The following SAMSN1 variants were observed in gnomAD, a reference collection of about 807,000 sequenced individuals.
SAMSN1 encodes SAM domain-containing protein SAMSN-1.
A neutral mutation model predicts 42.0 loss-of-function variants in SAMSN1; 31 were observed. That is an observed-to-expected ratio of 0.74 (90% CI 0.55 to 1.00). The LOEUF (loss-of-function observed/expected upper bound fraction) is 1.00. SAMSN1 is among the 50% of genes least tolerant of loss of function. The probability of loss-of-function intolerance (pLI) is 0.00; values close to 1 mark genes in which losing one functional copy is unlikely to be tolerated. For synonymous variants in SAMSN1, 178 were observed against 151.9 expected, an observed-to-expected ratio of 1.17 and a Z score of -1.26; for missense variants, 464 against 439.4, an observed-to-expected ratio of 1.06 and a Z score of -0.50.
chr21:14,553,062 C>T (rs545258800), intron 2 of SAMSN1, among the ~76,000 whole-genome samples: 1 of 151,808 alleles, frequency 6.6e-6, no homozygotes, highest in South Asian at 2.1e-4. Flanking sequence ...AAAAATGTTT[C>T]TAGTTGGTTA....
chr21:14,543,202 A>G lies in SAMSN1; in HGVS notation c.57+3003T>C, dbSNP rs144660685. On this transcript the variant is annotated intron_variant, in intron 1 of 7. Coordinates refer to ENST00000400566, the MANE Select transcript of SAMSN1 (RefSeq NM_022136.5). ...CTGCAAGAATTTACCAGTTTCTGTTATAGAATATCTCTGGTCTCTGCCTCT... is the reference window on the plus strand; with the variant it reads ...CTGCAAGAATTTACCAGTTTCTGTTGTAGAATATCTCTGGTCTCTGCCTCT... 1.1e-4 allele frequency among the ~76,000 whole-genome samples: 16 copies of G among 152,294 alleles called. No homozygotes were observed. In the East Asian group the frequency reaches 2.9e-3, roughly 28 times the overall value.
chr21:14,642,336 C>A lies in SAMSN1; in HGVS notation c.156+666G>T, dbSNP rs189560537. Among the ~76,000 whole-genome samples the A allele has an allele frequency of 6.5e-4, 99 of 152,288 alleles. 1 individual carries two copies. Among genetic ancestry groups the A allele is most frequent in the African/African-American group, 2.3e-3 (95 of 41,574 alleles). ...GTAATTTTAAAGATAATTCACAGAA[C>A]AATTTGCATTTGCCAGTTTGTAACA... is the stretch of plus-strand genomic sequence containing the variant. On this transcript the variant is annotated intron_variant, in intron 2 of 15. Coordinates refer to the SAMSN1 transcript ENST00000647101.
At chr21:14,587,743 C>A (rs1457693327), upstream of SAMSN1, among the ~76,000 whole-genome samples, 2 of 146,636 alleles carry the variant, frequency 1.4e-5, no homozygotes. Context: ...TTATCCATCA[C>A]CTTATTTATT....
In SAMSN1 at chr21:14,593,952, A is replaced by G. The variant is rs1453655133; in HGVS notation, c.465+61T>C. 8.5e-6 allele frequency: 6 copies of G among 709,252 alleles called. No homozygotes were observed. In the Admixed American group the frequency reaches 1.2e-4, roughly 15 times the overall value. The allele number at this position is 709,252 out of a possible 1,614,324, so 43.9% of individuals were successfully genotyped here. A position where few individuals can be genotyped will look rare whatever the true frequency, so the allele number is the denominator to read the frequency against. On this transcript the variant is annotated intron_variant, in intron 7 of 15. Transcript: ENST00000647101. ...AGAAAACAGTGCTTGTGGCATTAAA[A>G]TGAGTGGAAAAGAGATGGGAAATCC...
chr21:14,610,007 G>A (rs1600961777), intron 4 of SAMSN1, among the ~76,000 whole-genome samples: 1 of 152,114 alleles, frequency 6.6e-6, no homozygotes, highest in Non-Finnish European at 1.5e-5. Context: ...TGTGATGATT[G>A]TGTTAACTGC....
intron 6 of SAMSN1, among the ~76,000 whole-genome samples, chr21:14,594,913 C>T (rs1982211816): frequency 6.6e-6 from 1 of 152,146 alleles, no homozygotes. Flanking sequence ...GTTCTACAGG[C>T]TGTACAAGAA....
In SAMSN1 at chr21:14,642,830, T is replaced by C. The variant is rs180834072; in HGVS notation, c.156+172A>G. ...TTCAATAAATGGTGGTTCATATTAA[T>C]AAGCCAAAATCATAAAAAAGACAAC... On this transcript the variant is annotated intron_variant, in intron 2 of 15. Transcript: ENST00000647101. Among the ~76,000 whole-genome samples, 54 of 152,152 alleles carry C rather than the reference T, an allele frequency of 3.5e-4. 1 individual carries two copies. The highest frequency in any genetic ancestry group is 1.3e-3 in the African/African-American group (52 of 41,506).
chr21:14,574,433 G>A (rs1276506113), intron 2 of SAMSN1, among the ~76,000 whole-genome samples: 1 of 152,156 alleles, frequency 6.6e-6, no homozygotes, highest in African/African-American at 2.4e-5. Flanking sequence ...CAAGCACAGA[G>A]TGAAAACACA....
chr21:14,546,613 G>GA (rs2082010752), upstream of SAMSN1, among the ~76,000 whole-genome samples: 1 of 145,326 alleles, frequency 6.9e-6, no homozygotes, highest in Admixed American at 6.8e-5. Flanking sequence ...GTAGAAAAAA[G>GA]AAAAAATCGG....
intron 1 of SAMSN1, chr21:14,523,459 C>T (rs1978628983): frequency 6.6e-6 from 1 of 152,164 alleles, no homozygotes; most frequent in Admixed American, 6.5e-5. Context: ...ACAAACTCTT[C>T]TTATGTAGTA....
intron 1 of SAMSN1, among the ~76,000 whole-genome samples, chr21:14,530,241 T>C (rs60369730): frequency 0.018 from 2,372 of 135,430 alleles, 64 homozygotes; most frequent in African/African-American, 0.061. Flanking sequence ...GGCGTGAACC[T>C]GGGAGGCGGA....
At chr21:14,641,658 A>G (rs1274914202) in intron 2 of SAMSN1, among the ~76,000 whole-genome samples, 1 of 152,196 alleles carries the variant, frequency 6.6e-6, no homozygotes, top group Non-Finnish European at 1.5e-5. Context: ...TTGTGTTATC[A>G]GGAAAAGTGT....
intron 1 of SAMSN1, among the ~76,000 whole-genome samples, chr21:14,650,742 A>C (rs1320383746): frequency 6.6e-6 from 1 of 152,064 alleles, no homozygotes; most frequent in Non-Finnish European, 1.5e-5. Flanking sequence ...ATGACAAAAA[A>C]GGTTGTTTTT....
exon 2 of SAMSN1, chr21:14,582,221 A>G (rs1425414042): frequency 5.2e-6 from 8 of 1,550,732 alleles, no homozygotes; most frequent in Admixed American, 2.0e-5. Flanking sequence ...CCAGGGTCCA[A>G]CTTGTGCTAT....
intron 2 of SAMSN1, among the ~76,000 whole-genome samples, chr21:14,555,170 C>T (rs1980723693): frequency 6.6e-6 from 1 of 152,174 alleles, no homozygotes; most frequent in African/African-American, 2.4e-5. Context: ...CTGTGATGCA[C>T]ACTGACTCAT....
chr21:14,582,001 G>T, intron 2 of SAMSN1: 1 of 784,534 alleles, frequency 1.3e-6, no homozygotes, highest in Non-Finnish European at 1.9e-6. Flanking sequence ...GTTGCTTTTT[G>T]GAAAGACAAC....
At chr21:14,552,997 C>T (rs2142313) in intron 2 of SAMSN1, among the ~76,000 whole-genome samples, 2 of 152,120 alleles carry the variant, frequency 1.3e-5, no homozygotes, top group East Asian at 3.8e-4. Flanking sequence ...CCATCCTTCT[C>T]TATTCCTAGA....
chr21:14,514,818 A>G (rs1016164493), intron 3 of SAMSN1, among the ~76,000 whole-genome samples: 3 of 152,234 alleles, frequency 2.0e-5, no homozygotes, highest in Non-Finnish European at 2.9e-5. Context: ...TGTCTACTGG[A>G]CATCTAAATG....
intron 2 of SAMSN1, among the ~76,000 whole-genome samples, chr21:14,623,601 A>T (rs923983544): frequency 2.0e-5 from 3 of 152,136 alleles, no homozygotes; most frequent in Admixed American, 6.6e-5. Flanking sequence ...ATGGACCCAA[A>T]ACAGAAGCAC....
Sources: gnomAD v4.1 joint callset for allele counts (sites outside exome capture counted in the v4.1 genomes callset) on GRCh38, gnomAD v4.1.1 for gene constraint, MANE v1.5 for transcripts, NCBI Gene and HGNC (gene_info 2026-07-23, HGNC 2026-07-21) for gene names.